The following SCFD2 variants were observed in gnomAD, a reference collection of about 807,000 sequenced individuals.
SCFD2 encodes the protein sec1 family domain containing 2, also known as sec1 family domain-containing protein 2.
SCFD2 carries 54 observed loss-of-function variants against 58.9 expected under a neutral mutation model. The ratio of observed to expected loss-of-function variants is 0.92; its 90% CI spans 0.74 to 1.15. SCFD2 has a LOEUF of 1.15. Among genes scored for constraint, SCFD2 ranks in the 50% most tolerant of loss-of-function variants. The probability of loss-of-function intolerance (pLI) is 0.00; values close to 1 mark genes in which losing one functional copy is unlikely to be tolerated. For synonymous variants in SCFD2, 321 were observed against 335.9 expected, an observed-to-expected ratio of 0.96 and a Z score of 0.49; for missense variants, 805 against 836.6, an observed-to-expected ratio of 0.96 and a Z score of 0.47.
At chr4:53,108,571 A>C (rs1425742647) in intron 5 of SCFD2, among the ~76,000 whole-genome samples, 1 of 152,230 alleles carries the variant, frequency 6.6e-6, no homozygotes, top group Non-Finnish European at 1.5e-5. Flanking sequence ...AACTACCATC[A>C]GAGAATACTA....
At chr4:52,908,244 C>T (rs1294434098) in intron 6 of SCFD2, among the ~76,000 whole-genome samples, 1 of 152,178 alleles carries the variant, frequency 6.6e-6, no homozygotes, top group Non-Finnish European at 1.5e-5. Flanking sequence ...CTGCTAAATG[C>T]CTTCCTTTTC....
In SCFD2 at chr4:52,937,359, G is replaced by A. The variant is rs190787174; in HGVS notation, c.1562-16489C>T. 8.5e-4 allele frequency among the ~76,000 whole-genome samples: 130 copies of A among 152,292 alleles called. No homozygotes were observed. The Middle Eastern group carries it at 0.02, about 24-fold the overall frequency. The stretch of plus-strand genomic sequence containing the variant: ...TACAGAATCACAGACGAAGGAGCAA[G>A]AGAGACAAGAGCATGCACATGGATG... On this transcript the variant is annotated intron_variant, in intron 5 of 8. Transcript: ENST00000401642.
At chr4:53,162,395 A>C (rs1007981963) in intron 4 of SCFD2, among the ~76,000 whole-genome samples, 6 of 152,180 alleles carry the variant, frequency 3.9e-5, no homozygotes, top group Non-Finnish European at 5.9e-5. Context: ...CAAAAGTCTA[A>C]ACTGAATGTT....
intron 8 of SCFD2, 51 bp downstream of exon 8, chr4:52,885,696 C>T: frequency 6.2e-7 from 1 of 1,608,404 alleles, no homozygotes; most frequent in Non-Finnish European, 8.5e-7. Context: ...CTCACCCACC[C>T]TTCACACCCC....
chr4:52,926,321 G>T (rs761241248), intron 5 of SCFD2, among the ~76,000 whole-genome samples: 1 of 151,916 alleles, frequency 6.6e-6, no homozygotes, highest in Non-Finnish European at 1.5e-5. Context: ...TCATCAGAAG[G>T]GTGCTTCAGT....
chr4:53,226,408 G>T (rs1729217754), intron 4 of SCFD2, among the ~76,000 whole-genome samples: 1 of 151,928 alleles, frequency 6.6e-6, no homozygotes, highest in Non-Finnish European at 1.5e-5. Flanking sequence ...GATATATATT[G>T]ATATATAATA....
intron 3 of SCFD2, among the ~76,000 whole-genome samples, chr4:53,303,348 A>C (rs145967969): frequency 0.054 from 8,199 of 152,360 alleles, 325 homozygotes; most frequent in East Asian, 0.18. Context: ...AACACATGAA[A>C]AAATGCTCAT....
intron 4 of SCFD2, among the ~76,000 whole-genome samples, chr4:53,156,398 C>CAAAAAA (rs1171962847): frequency 1.0e-5 from 1 of 99,850 alleles, no homozygotes; most frequent in Non-Finnish European, 2.0e-5. Flanking sequence ...AGACTCAACT[C>CAAAAAA]AAAAAAAAAA....
At chr4:52,916,962 A>C (rs77176285) in intron 6 of SCFD2, among the ~76,000 whole-genome samples, 9,004 of 152,254 alleles carry the variant, frequency 0.059, 309 homozygotes, top group South Asian at 0.15. Flanking sequence ...CAGTAGCAAA[A>C]TAATAGCTCA....
intron 4 of SCFD2, among the ~76,000 whole-genome samples, chr4:53,177,843 C>T (rs1727391920): frequency 6.6e-6 from 1 of 152,238 alleles, no homozygotes; most frequent in Admixed American, 6.5e-5. Context: ...AAATGGCACA[C>T]CAGGAGATTA....
chr4:53,110,898 T>C (rs934673655), intron 5 of SCFD2, among the ~76,000 whole-genome samples: 3 of 152,238 alleles, frequency 2.0e-5, no homozygotes, highest in Non-Finnish European at 4.4e-5. Flanking sequence ...GTATGTTTAC[T>C]GCAGCACTAT....
chr4:53,365,599 C>T lies in SCFD2; in HGVS notation c.343G>A (p.Ala115Thr). 1.9e-6 allele frequency: 3 copies of T among 1,614,250 alleles called. No homozygotes were observed. In the East Asian group the frequency reaches 6.7e-5, roughly 36 times the overall value. Residue 115 changes from alanine (A) to threonine (T), a missense_variant, in exon 1 of 9, where the codon GCT becomes ACT. Ala to Thr is a moderately conservative substitution (Grantham distance 58). Around this residue, in one of 3 missense-constraint regions of SCFD2, gnomAD observed 155 missense variants for 149.7 expected, o/e 1.04. Transcript: ENST00000401642. The surrounding 1 kb of genome is among the most constrained non-coding windows in gnomAD (Gnocchi z 4.3). ...GCTGCCGCCGCTGGGACATGATTAG[C>T]TGTGAGGTGGACAGCGTGGCTCACG... is the stretch of plus-strand genomic sequence containing the variant. ...TTVSHAVHLTANHVPAAAAAE... is the reference protein window; with the variant it reads ...TTVSHAVHLTTNHVPAAAAAE...
chr4:52,979,140 C>A (rs945853903), intron 5 of SCFD2, among the ~76,000 whole-genome samples: 3 of 151,786 alleles, frequency 2.0e-5, no homozygotes, highest in African/African-American at 7.3e-5. Flanking sequence ...AGAAAATGAT[C>A]CTGCCATACT....
intron 4 of SCFD2, among the ~76,000 whole-genome samples, chr4:53,173,867 C>A (rs1727250352): frequency 6.6e-6 from 1 of 152,054 alleles, no homozygotes; most frequent in Non-Finnish European, 1.5e-5. Context: ...CACGCTCATA[C>A]CATATAGACA....
At chr4:53,132,672 T>C (rs992967983) in intron 5 of SCFD2, among the ~76,000 whole-genome samples, 3 of 152,182 alleles carry the variant, frequency 2.0e-5, no homozygotes, top group Admixed American at 6.5e-5. Context: ...TTGACAGTCA[T>C]TGTTTTGTAC....
At chr4:53,287,557 G>A (rs528508429) in intron 3 of SCFD2, among the ~76,000 whole-genome samples, 1 of 152,108 alleles carries the variant, frequency 6.6e-6, no homozygotes, top group East Asian at 1.9e-4. Context: ...CCCTGCACAA[G>A]TTACACCCTA....
chr4:52,968,701 G>T (rs991806513), intron 5 of SCFD2, among the ~76,000 whole-genome samples: 2 of 152,070 alleles, frequency 1.3e-5, no homozygotes, highest in Non-Finnish European at 2.9e-5. Context: ...GGTATGAGGG[G>T]GATGCTGTTG....
At chr4:52,886,739 T>TC (rs919140754) in intron 7 of SCFD2, among the ~76,000 whole-genome samples, 1 of 152,232 alleles carries the variant, frequency 6.6e-6, no homozygotes, top group Non-Finnish European at 1.5e-5. Flanking sequence ...CTACCAGATG[T>TC]CCCAGTGGTC....
intron 4 of SCFD2, among the ~76,000 whole-genome samples, chr4:53,223,507 C>T (rs1182883854): frequency 6.6e-6 from 1 of 152,222 alleles, no homozygotes; most frequent in Non-Finnish European, 1.5e-5. Context: ...GATCCTGCAA[C>T]ATGCTATGCG....
Sources: gnomAD v4.1 joint callset for allele counts (sites outside exome capture counted in the v4.1 genomes callset) on GRCh38, gnomAD v4.1.1 for gene constraint, gnomAD v4.1.1 regional missense constraint, Gnocchi (gnomAD v3.1) non-coding constraint, MANE v1.5 for transcripts, NCBI Gene and HGNC (gene_info 2026-07-23, HGNC 2026-07-21) for gene names.